The following NAV2 variants were observed in gnomAD, a reference collection of about 807,000 sequenced individuals.
The protein encoded by NAV2 is neuron navigator 2.
A neutral mutation model predicts 223.2 loss-of-function variants in NAV2; 54 were observed. The ratio of observed to expected loss-of-function variants is 0.24; its 90% CI spans 0.19 to 0.30. The LOEUF is 0.30. Ranked by LOEUF, NAV2 falls within the 10% of genes least tolerant of loss-of-function variation. The pLI is 1.00. For missense variants in NAV2, 2,806 were observed against 3,147.5 expected, an observed-to-expected ratio of 0.89 and a Z score of 2.60; for synonymous variants, 1,279 against 1,239.3, an observed-to-expected ratio of 1.03 and a Z score of -0.67.
In NAV2 at chr11:19,854,244, G is replaced by A. The variant is rs138509536; in HGVS notation, c.438+11321G>A. Among the ~76,000 whole-genome samples, 1,255 of 152,174 alleles carry A rather than the reference G, an allele frequency of 8.2e-3. 14 individuals are homozygous for A. The highest frequency in any genetic ancestry group is 0.029 in the African/African-American group (1,189 of 41,512). ...TGTGTTGTTTTTTTAAAAATTTGCC[G>A]TGAAGTGGAACTTAGCAGGGAAATC... On this transcript the variant is annotated intron_variant, in intron 3 of 37. Transcript: ENST00000349880.
chr11:19,587,236 A>G (rs1254751995), intron 1 of NAV2, among the ~76,000 whole-genome samples: 1 of 152,202 alleles, frequency 6.6e-6, no homozygotes, highest in Non-Finnish European at 1.5e-5. Flanking sequence ...AAAGCACAGT[A>G]TTAGGGTGGG....
intron 1 of NAV2, among the ~76,000 whole-genome samples, chr11:19,476,713 C>T (rs1408789782): frequency 6.6e-6 from 1 of 152,206 alleles, no homozygotes; most frequent in Non-Finnish European, 1.5e-5. Context: ...GCATCTGTTT[C>T]CCAAATGAAT....
chr11:19,958,862 G>T (rs1281878317), intron 10 of NAV2, among the ~76,000 whole-genome samples: 1 of 152,230 alleles, frequency 6.6e-6, no homozygotes, highest in African/African-American at 2.4e-5. Context: ...TCAAGATGGA[G>T]GTTGGGAGGC....
At chr11:19,905,161 T>C (rs1490527328) in intron 6 of NAV2, among the ~76,000 whole-genome samples, 1 of 152,248 alleles carries the variant, frequency 6.6e-6, no homozygotes, top group East Asian at 1.9e-4. Flanking sequence ...GATATGCCTG[T>C]GTGCATTTGT....
chr11:19,556,981 G>GT (rs1792931837), intron 1 of NAV2, among the ~76,000 whole-genome samples: 2 of 152,282 alleles, frequency 1.3e-5, no homozygotes, highest in South Asian at 4.1e-4. Context: ...CTGTATCAGA[G>GT]TTTTTTACTT....
chr11:19,920,093 C>G (rs1413559421), intron 6 of NAV2, among the ~76,000 whole-genome samples: 1 of 152,024 alleles, frequency 6.6e-6, no homozygotes, highest in Admixed American at 6.5e-5. Context: ...ATGTTTGCAC[C>G]ACTGCACTCC....
At chr11:19,984,726 G>A (rs2050617076) in intron 11 of NAV2, among the ~76,000 whole-genome samples, 1 of 152,204 alleles carries the variant, frequency 6.6e-6, no homozygotes, top group South Asian at 2.1e-4. Context: ...CATGGGTTTA[G>A]ACACCACATG....
chr11:19,588,123 G>C (rs115519791), intron 1 of NAV2, among the ~76,000 whole-genome samples: 1 of 152,140 alleles, frequency 6.6e-6, no homozygotes, highest in African/African-American at 2.4e-5. Context: ...CCTGACTTGG[G>C]TCACCTGACA....
intron 6 of NAV2, among the ~76,000 whole-genome samples, chr11:19,913,286 C>T (rs2043476893): frequency 6.6e-6 from 1 of 152,234 alleles, no homozygotes; most frequent in Non-Finnish European, 1.5e-5. Flanking sequence ...GGACCTCCCT[C>T]TTCTGCCCTT....
rs1555146399 is a variant in NAV2 at position 19,921,944 on chromosome 11, G to GT, written c.932-11232_932-11231insT. 3.0e-3 allele frequency among the ~76,000 whole-genome samples: 457 copies of GT among 152,308 alleles called. 12 individuals are homozygous for GT. The South Asian group carries it at 0.063, about 21-fold the overall frequency. On this transcript the variant is annotated intron_variant, in intron 6 of 37. Transcript: ENST00000349880. ...TATTGCTATATATGTGTGTGTGTGT[G>GT]GGTATATAAATATATTTTGCCATGG...
chr11:19,436,848 T>C (rs942421834), intron 1 of NAV2, among the ~76,000 whole-genome samples: 11 of 152,168 alleles, frequency 7.2e-5, no homozygotes, highest in Non-Finnish European at 1.0e-4. Context: ...CTTTTATAAA[T>C]AGGATTGTTT....
intron 26 of NAV2, among the ~76,000 whole-genome samples, chr11:20,088,097 G>A (rs1351429552): frequency 6.6e-6 from 1 of 152,192 alleles, no homozygotes; most frequent in Non-Finnish European, 1.5e-5. Flanking sequence ...TCTAGTCAGG[G>A]AAGGAACTAG....
intron 1 of NAV2, among the ~76,000 whole-genome samples, chr11:19,607,744 T>C (rs2046521037): frequency 6.6e-6 from 1 of 152,298 alleles, no homozygotes; most frequent in South Asian, 2.1e-4. Flanking sequence ...GGAACTCAGA[T>C]TACAGACTTC....
intron 1 of NAV2, among the ~76,000 whole-genome samples, chr11:19,535,358 C>T (rs1322791515): frequency 2.6e-5 from 4 of 152,130 alleles, no homozygotes; most frequent in Non-Finnish European, 5.9e-5. Context: ...CCAGGCCCAA[C>T]AAGTAATAGC....
intron 1 of NAV2, among the ~76,000 whole-genome samples, chr11:19,772,637 C>G (rs372105202): frequency 6.6e-6 from 1 of 152,194 alleles, no homozygotes; most frequent in South Asian, 2.1e-4. Flanking sequence ...TCATTCCCTC[C>G]TCCCCATGGG....
chr11:19,349,579 C>T (rs1052464400), upstream of NAV2, among the ~76,000 whole-genome samples: 5 of 152,158 alleles, frequency 3.3e-5, no homozygotes, highest in East Asian at 1.9e-4. Flanking sequence ...ATGGCTAGTG[C>T]GTTCATTACA....
intron 1 of NAV2, among the ~76,000 whole-genome samples, chr11:19,763,767 G>T (rs1473708892): frequency 2.0e-5 from 3 of 149,536 alleles, no homozygotes; most frequent in Non-Finnish European, 4.4e-5. Flanking sequence ...AAAAAGATTA[G>T]CGTTGTTGTT....
intron 3 of NAV2, among the ~76,000 whole-genome samples, chr11:19,857,933 T>G (rs528498277): frequency 5.3e-4 from 81 of 152,352 alleles, no homozygotes; most frequent in African/African-American, 1.9e-3. Context: ...CTTGGCTCAC[T>G]GCAAGCTCCA....
chr11:19,818,098 G>GT (rs1001009514), intron 1 of NAV2, among the ~76,000 whole-genome samples: 3 of 151,692 alleles, frequency 2.0e-5, no homozygotes, highest in Admixed American at 2.0e-4. Context: ...ACAGTCTACT[G>GT]CCCCCTAAAT....
Sources: gnomAD v4.1 joint callset for allele counts (sites outside exome capture counted in the v4.1 genomes callset) on GRCh38, gnomAD v4.1.1 for gene constraint, MANE v1.5 for transcripts, NCBI Gene and HGNC (gene_info 2026-07-23, HGNC 2026-07-21) for gene names.